The following SPOCK1 variants were observed in gnomAD, a reference collection of about 807,000 sequenced individuals.
SPOCK1 encodes the protein testican-1.
A neutral mutation model predicts 55.3 loss-of-function variants in SPOCK1; 23 were observed. The observed-to-expected ratio is 0.42, with a 90% CI of 0.30 to 0.59. SPOCK1 has a LOEUF of 0.59. SPOCK1 is among the 20% of genes least tolerant of loss of function. The pLI is 0.22. For missense variants in SPOCK1, 499 were observed against 552.5 expected (o/e 0.90, Z 0.97); for synonymous variants, 226 against 221.0 (o/e 1.02, Z -0.20).
intron 3 of SPOCK1, among the ~76,000 whole-genome samples, chr5:137,173,423 G>A (rs1754791797): frequency 6.6e-6 from 1 of 152,134 alleles, no homozygotes; most frequent in Non-Finnish European, 1.5e-5. Flanking sequence ...TTGCCACCAA[G>A]ATGCTGACTG....
At chr5:137,220,676 G>A (rs555257851) in intron 3 of SPOCK1, among the ~76,000 whole-genome samples, 16 of 152,314 alleles carry the variant, frequency 1.1e-4, no homozygotes, top group African/African-American at 3.6e-4. Context: ...GACAAGGACT[G>A]AGTCACAGTC....
rs1190151595 is a variant in SPOCK1, at chr5:137,481,211, TCTCCA to T, written c.186+17157_186+17161del. On this transcript the variant is annotated intron_variant, in intron 2 of 10. Transcript: ENST00000394945. ...TCTCTCTCTGCAAGCCTCTCTGACC[TCTCCA>T]CTGGGATTGTATGACCCTCCCTGAG... Among the ~76,000 whole-genome samples, 8 of 152,264 alleles carry T rather than the reference TCTCCA, an allele frequency of 5.3e-5. No homozygotes were observed. In the East Asian group the frequency reaches 1.5e-3, roughly 29 times the overall value.
At chr5:137,395,771 G>A (rs1751834111) in intron 2 of SPOCK1, among the ~76,000 whole-genome samples, 1 of 152,196 alleles carries the variant, frequency 6.6e-6, no homozygotes, top group Non-Finnish European at 1.5e-5. Flanking sequence ...CTTGAGAGGT[G>A]AGGAGGTAAG....
In SPOCK1 at chr5:137,435,360, C is replaced by G. The variant is rs141815917; in HGVS notation, c.186+63013G>C. Among the ~76,000 whole-genome samples, 355 of 152,296 alleles carry G rather than the reference C, an allele frequency of 2.3e-3. 2 individuals are homozygous for G. The highest frequency in any genetic ancestry group is 8.1e-3 in the African/African-American group (335 of 41,564). On this transcript the variant is annotated intron_variant, in intron 2 of 10. Coordinates refer to ENST00000394945, the MANE Select transcript of SPOCK1 (RefSeq NM_004598.4). ...CAAATTGATTTATCTAAAAGTTATA[C>G]CAATCTACATTTCTACCAATGGTAT...
intron 3 of SPOCK1, among the ~76,000 whole-genome samples, chr5:137,211,469 A>G (rs894278744): frequency 6.6e-6 from 1 of 152,232 alleles, no homozygotes; most frequent in African/African-American, 2.4e-5. Flanking sequence ...GGGTATAGAA[A>G]GATTCTATAG....
At chr5:137,424,532 C>T (rs1438626856) in intron 2 of SPOCK1, among the ~76,000 whole-genome samples, 1 of 152,150 alleles carries the variant, frequency 6.6e-6, no homozygotes, top group East Asian at 1.9e-4. Context: ...CATGAATGCT[C>T]ACGGCAAACA....
At chr5:137,407,973 C>T (rs188321703) in intron 2 of SPOCK1, among the ~76,000 whole-genome samples, 104 of 152,124 alleles carry the variant, frequency 6.8e-4, no homozygotes, top group Non-Finnish European at 1.3e-3. Flanking sequence ...CACTTGGCTC[C>T]AGGCACAAGG....
intron 5 of SPOCK1, among the ~76,000 whole-genome samples, chr5:137,085,581 C>T (rs1299203501): frequency 2.0e-5 from 3 of 152,152 alleles, no homozygotes; most frequent in Non-Finnish European, 2.9e-5. Flanking sequence ...GAACACTCAC[C>T]TTTTGCAAGG....
chr5:137,119,423 GTTAT>G (rs1561616180), intron 4 of SPOCK1, among the ~76,000 whole-genome samples: 2 of 152,196 alleles, frequency 1.3e-5, no homozygotes, highest in Admixed American at 6.5e-5. Context: ...TGTTGTTAGG[GTTAT>G]TTGAGTCATT....
intron 5 of SPOCK1, among the ~76,000 whole-genome samples, chr5:137,093,540 A>G (rs150995961): frequency 2.3e-4 from 35 of 152,330 alleles, no homozygotes; most frequent in African/African-American, 8.4e-4. Flanking sequence ...AAGTGAAATA[A>G]GAGATTTCAG....
intron 3 of SPOCK1, among the ~76,000 whole-genome samples, chr5:137,150,771 G>A (rs1754303699): frequency 6.6e-6 from 1 of 152,146 alleles, no homozygotes; most frequent in African/African-American, 2.4e-5. Context: ...AGTGACAGGT[G>A]TTAATTGAAC....
rs576668685 is a variant in SPOCK1 at position 137,211,698 on chromosome 5, G to A, written c.232+55312C>T. On this transcript the variant is annotated intron_variant, in intron 3 of 10. Transcript: ENST00000394945. ...ACTTTCAGTCCCACCCCAACCTCTC[G>A]GCTGGAGAGAAGGGCTGCAGGTTGA... Among the ~76,000 whole-genome samples the A allele has an allele frequency of 1.1e-4, 16 of 152,246 alleles. No homozygotes were observed. The South Asian group carries it at 1.7e-3, about 16-fold the overall frequency.
At chr5:137,440,089 GA>G (rs147961043) in intron 2 of SPOCK1, among the ~76,000 whole-genome samples, 2 of 151,898 alleles carry the variant, frequency 1.3e-5, no homozygotes, top group African/African-American at 2.4e-5. Flanking sequence ...CAGGGAGGGG[GA>G]AAAATCTTTA....
chr5:137,204,601 C>T (rs1435108937), intron 3 of SPOCK1, among the ~76,000 whole-genome samples: 2 of 148,872 alleles, frequency 1.3e-5, no homozygotes, highest in Non-Finnish European at 3.0e-5. Context: ...ACTCCCAAGA[C>T]TCCCCCTCCT....
intron 3 of SPOCK1, among the ~76,000 whole-genome samples, chr5:137,219,209 T>C (rs1318467436): frequency 1.3e-5 from 2 of 152,196 alleles, no homozygotes; most frequent in East Asian, 3.9e-4. Context: ...TTAATGATGC[T>C]AAGATGACAA....
At chr5:137,294,781 T>C (rs1182214949) in intron 2 of SPOCK1, among the ~76,000 whole-genome samples, 2 of 152,242 alleles carry the variant, frequency 1.3e-5, no homozygotes, top group Non-Finnish European at 2.9e-5. Flanking sequence ...GCAGCAACGT[T>C]TCAGGCACAT....
chr5:137,247,723 T>C (rs1488731716), intron 3 of SPOCK1, among the ~76,000 whole-genome samples: 3 of 152,188 alleles, frequency 2.0e-5, no homozygotes, highest in African/African-American at 7.2e-5. Context: ...CCCTGGAGTC[T>C]GGTGAGGGCT....
At chr5:137,083,879 G>A (rs1752915711) in intron 5 of SPOCK1, among the ~76,000 whole-genome samples, 1 of 151,786 alleles carries the variant, frequency 6.6e-6, no homozygotes, top group Non-Finnish European at 1.5e-5. Context: ...AATCCTCCTG[G>A]GCTCTGGAGC....
chr5:137,368,324 T>C (rs980874801), intron 2 of SPOCK1, among the ~76,000 whole-genome samples: 5 of 152,056 alleles, frequency 3.3e-5, no homozygotes, highest in Admixed American at 3.3e-4. Context: ...CAAGTTAAGG[T>C]ACAATGACAA....
Sources: gnomAD v4.1 joint callset for allele counts (sites outside exome capture counted in the v4.1 genomes callset) on GRCh38, gnomAD v4.1.1 for gene constraint, MANE v1.5 for transcripts, NCBI Gene and HGNC (gene_info 2026-07-23, HGNC 2026-07-21) for gene names.